Variants in DACH2 observed in about 807,000 individuals in gnomAD.
The protein encoded by DACH2 is dachshund homolog 2.
A neutral mutation model predicts 35.8 loss-of-function variants in DACH2; 17 were observed. The observed-to-expected ratio is 0.48, with a 90% CI of 0.33 to 0.71. The LOEUF (loss-of-function observed/expected upper bound fraction) is 0.71. DACH2 is among the 30% of genes least tolerant of loss of function. The pLI is 0.02. For missense variants in DACH2, 469 were observed against 472.7 expected (o/e 0.99, Z 0.07); for synonymous variants, 195 against 177.3 (o/e 1.10, Z -0.79).
chrX:86,254,781 A>ATATAT (rs1556004270), intron 1 of DACH2, among the ~76,000 whole-genome samples: 684 of 22,518 alleles, frequency 0.03, 44 homozygotes, highest in South Asian at 0.13. Flanking sequence ...CAAATAAATA[A>ATATAT]ATATATATAT....
chrX:86,589,309 C>A (rs1345717009), intron 3 of DACH2, among the ~76,000 whole-genome samples: 1 of 110,399 alleles, frequency 9.1e-6, no homozygotes, highest in Non-Finnish European at 1.9e-5. Flanking sequence ...TTAGTTATTT[C>A]TTTTCTTCTG....
intron 1 of DACH2, among the ~76,000 whole-genome samples, chrX:86,347,135 A>T (rs1013039549): frequency 4.5e-5 from 5 of 112,004 alleles, no homozygotes; most frequent in African/African-American, 1.6e-4. Context: ...GCCCAGAGAT[A>T]ATTTTTTTAT....
chrX:86,692,055 C>A (rs1350719344), intron 4 of DACH2, among the ~76,000 whole-genome samples: 1 of 110,967 alleles, frequency 9.0e-6, no homozygotes, highest in African/African-American at 3.3e-5. Flanking sequence ...AGATTTAGGT[C>A]AAAAGACAAA....
intron 2 of DACH2, among the ~76,000 whole-genome samples, chrX:86,419,143 T>A (rs1205872916): frequency 8.9e-6 from 1 of 111,767 alleles, no homozygotes; most frequent in Non-Finnish European, 1.9e-5. Context: ...AGTTCCAAAC[T>A]TTCCCACATT....
chrX:86,657,421 A>C (rs1447389130), intron 4 of DACH2, among the ~76,000 whole-genome samples: 1 of 111,332 alleles, frequency 9.0e-6, no homozygotes, highest in Non-Finnish European at 1.9e-5. Context: ...AAATATTATA[A>C]ATTATTAAAT....
intron 10 of DACH2, 80 bp from the exon 11 acceptor site, chrX:86,815,954 C>T: frequency 1.2e-6 from 1 of 811,993 alleles, no homozygotes; most frequent in Middle Eastern, 4.7e-4. Context: ...GACCAAAGTA[C>T]TGGCTTACTG....
At chrX:86,798,887 T>C (rs1438666681) in intron 7 of DACH2, 2 of 154,494 alleles carry the variant, frequency 1.3e-5, no homozygotes, top group Non-Finnish European at 2.4e-5. Context: ...GCTCATCTCC[T>C]TGTTGTATCT....
intron 1 of DACH2, among the ~76,000 whole-genome samples, chrX:86,313,917 T>C (rs1184073981): frequency 8.9e-6 from 1 of 112,102 alleles, no homozygotes; most frequent in East Asian, 2.8e-4. Context: ...TGGTAATTCT[T>C]GCAATACTGC....
At chrX:86,599,449 C>T (rs2039757814) in intron 3 of DACH2, among the ~76,000 whole-genome samples, 3 of 79,690 alleles carry the variant, frequency 3.8e-5, no homozygotes, top group African/African-American at 9.7e-5. Flanking sequence ...TCTTTCTTTC[C>T]CTTCCTTCCT....
At chrX:86,620,096 A>C (rs1261116659) in intron 3 of DACH2, among the ~76,000 whole-genome samples, 1 of 112,220 alleles carries the variant, frequency 8.9e-6, no homozygotes, top group Non-Finnish European at 1.9e-5. Context: ...TCTATTACAA[A>C]TATCCACAGT....
chrX:86,156,369 G>A (rs760000565), intron 1 of DACH2, among the ~76,000 whole-genome samples: 4 of 111,293 alleles, frequency 3.6e-5, no homozygotes, highest in Non-Finnish European at 5.7e-5. Context: ...ATATACACAC[G>A]TTTATTCCTC....
At chrX:86,419,567 G>A (rs2036767102) in intron 2 of DACH2, among the ~76,000 whole-genome samples, 1 of 111,777 alleles carries the variant, frequency 8.9e-6, no homozygotes, top group Non-Finnish European at 1.9e-5. Flanking sequence ...ACCTCCCTCT[G>A]GATTCCTTCC....
intron 1 of DACH2, among the ~76,000 whole-genome samples, chrX:86,294,498 C>T (rs751260850): frequency 9.0e-5 from 10 of 111,117 alleles, no homozygotes; most frequent in African/African-American, 3.3e-4. Context: ...AGGAGAGTCG[C>T]TCTGCTTTTT....
At chrX:86,338,402 A>G (rs769987875) in intron 1 of DACH2, among the ~76,000 whole-genome samples, 19 of 112,104 alleles carry the variant, frequency 1.7e-4, no homozygotes, top group African/African-American at 4.9e-4. Flanking sequence ...ACTCAGGATT[A>G]AGAAGCTTAC....
At chrX:86,814,972 G>A in intron 10 of DACH2, 138 bp downstream of exon 10, 1 of 688,076 alleles carries the variant, frequency 1.5e-6, no homozygotes, top group African/African-American at 2.2e-5. Flanking sequence ...TTTTGTCCAG[G>A]AATGATTAAA....
chrX:86,168,173 C>T (rs1244041263), intron 1 of DACH2, among the ~76,000 whole-genome samples: 8 of 111,652 alleles, frequency 7.2e-5, no homozygotes, highest in African/African-American at 2.6e-4. Context: ...GTTTATCTCT[C>T]TGTTTAGCTC....
intron 1 of DACH2, among the ~76,000 whole-genome samples, chrX:86,224,153 A>T (rs766317410): frequency 9.0e-6 from 1 of 111,341 alleles, no homozygotes; most frequent in African/African-American, 3.3e-5. Context: ...AAGTTTATTC[A>T]TGTCAGCTTT....
chrX:86,226,305 A>C (rs2032821796), intron 1 of DACH2, among the ~76,000 whole-genome samples: 1 of 111,833 alleles, frequency 8.9e-6, no homozygotes, highest in Admixed American at 9.5e-5. Flanking sequence ...AGGACTTTTA[A>C]ATGTCTGGAA....
chrX:86,683,002 TC>T (rs895640643), intron 4 of DACH2, among the ~76,000 whole-genome samples: 19 of 111,565 alleles, frequency 1.7e-4, no homozygotes, highest in African/African-American at 6.2e-4. Flanking sequence ...TGTCATATTT[TC>T]CCCAGTTTTA....
Sources: gnomAD v4.1 joint callset for allele counts (sites outside exome capture counted in the v4.1 genomes callset) on GRCh38, gnomAD v4.1.1 for gene constraint, MANE v1.5 for transcripts, NCBI Gene and HGNC (gene_info 2026-07-23, HGNC 2026-07-21) for gene names.